ADCY9: variants seen among roughly 807,000 people sequenced by gnomAD.
The protein encoded by ADCY9 is adenylate cyclase 9.
ADCY9 carries 50 observed loss-of-function variants against 101.5 expected under a neutral mutation model. The ratio of observed to expected loss-of-function variants is 0.49; its 90% CI spans 0.39 to 0.62. The LOEUF (loss-of-function observed/expected upper bound fraction) is 0.62. ADCY9 is among the 20% of genes least tolerant of loss of function. ADCY9 has a pLI of 0.00. For missense variants in ADCY9, 1,662 were observed against 1,800.4 expected (o/e 0.92, Z 1.39); for synonymous variants, 905 against 769.3 (o/e 1.18, Z -2.92).
chr16:4,032,242 T>C (rs1269395326), intron 2 of ADCY9: 2 of 150,636 alleles, frequency 1.3e-5, no homozygotes, highest in East Asian at 2.0e-4. Context: ...TGAGCAGAGA[T>C]GGCACCACTG....
chr16:3,970,062 T>C (rs1217295489), intron 10 of ADCY9, among the ~76,000 whole-genome samples: 1 of 152,204 alleles, frequency 6.6e-6, no homozygotes, highest in Non-Finnish European at 1.5e-5. Flanking sequence ...TTCATGTAAA[T>C]GCTGTACCCT....
chr16:4,111,900 A>G (rs1409236172), intron 2 of ADCY9, among the ~76,000 whole-genome samples: 1 of 151,422 alleles, frequency 6.6e-6, no homozygotes, highest in East Asian at 1.9e-4. Flanking sequence ...CAAACTTAAA[A>G]ATAAAACTAC....
At chr16:4,043,075 C>CA (rs898054965) in intron 2 of ADCY9, among the ~76,000 whole-genome samples, 8 of 151,994 alleles carry the variant, frequency 5.3e-5, no homozygotes, top group African/African-American at 1.9e-4. Flanking sequence ...ACTAAAAATA[C>CA]AAAAAATTAG....
At position 4,086,281 on chromosome 16, in the gene ADCY9, CCA is replaced by C. The variant is rs369479704; in HGVS notation, c.1693+27467_1693+27468del. ...AGGGAAACCGCCTCTCCGGTGCCTT[CCA>C]CAGAGGGTCCATTGCAAGCAAGTGG... is the stretch of plus-strand genomic sequence containing the variant. On this transcript the variant is annotated intron_variant, in intron 2 of 10. Transcript: ENST00000294016. Among the ~76,000 whole-genome samples, 789 of 152,230 alleles carry C rather than the reference CCA, an allele frequency of 5.2e-3. 9 individuals are homozygous for C. Among genetic ancestry groups the C allele is most frequent in the African/African-American group, 0.018 (750 of 41,572 alleles).
chr16:4,081,793 C>T (rs1183879734), intron 2 of ADCY9, among the ~76,000 whole-genome samples: 13 of 60,748 alleles, frequency 2.1e-4, no homozygotes, highest in African/African-American at 4.5e-4. Flanking sequence ...TCTGCAGGGG[C>T]GTGTGGGTAA....
At chr16:4,084,238 A>T (rs1173995865) in intron 2 of ADCY9, among the ~76,000 whole-genome samples, 1 of 151,932 alleles carries the variant, frequency 6.6e-6, no homozygotes, top group African/African-American at 2.4e-5. Context: ...CAGCCTCCCA[A>T]GTAGCTGGGA....
intron 3 of ADCY9, among the ~76,000 whole-genome samples, chr16:4,001,307 G>A (rs1411119845): frequency 6.6e-6 from 1 of 152,110 alleles, no homozygotes; most frequent in Non-Finnish European, 1.5e-5. Flanking sequence ...TTCTGGCCCT[G>A]CTGCGTTTGA....
rs149035107 is a variant in ADCY9, at chr16:4,029,417, C to A, written c.1694-21859G>T. Among the ~76,000 whole-genome samples, 13 of 152,230 alleles carry A rather than the reference C, an allele frequency of 8.5e-5. No individual in the cohort carries two copies. In the East Asian group the frequency reaches 2.5e-3, roughly 29 times the overall value. ...AGGTATTTGCCTCACATATAACTGA[C>A]AAAGGGCTGGTAGCCTGAATATAAA... is the stretch of plus-strand genomic sequence containing the variant. On this transcript the variant is annotated intron_variant, in intron 2 of 10. Transcript: ENST00000294016.
At chr16:4,034,388 C>T (rs886779302) in intron 2 of ADCY9, among the ~76,000 whole-genome samples, 2 of 152,176 alleles carry the variant, frequency 1.3e-5, no homozygotes, top group Non-Finnish European at 2.9e-5. Context: ...CTAACCCTCT[C>T]CCCAGAAGAG....
intron 2 of ADCY9, among the ~76,000 whole-genome samples, chr16:4,057,764 G>A (rs1237612550): frequency 1.3e-5 from 2 of 152,146 alleles, no homozygotes; most frequent in Non-Finnish European, 1.5e-5. Flanking sequence ...TTTACGGCGT[G>A]TTCTCGATGT....
intron 2 of ADCY9, among the ~76,000 whole-genome samples, chr16:4,066,288 A>C (rs930061314): frequency 3.3e-5 from 5 of 152,050 alleles, no homozygotes; most frequent in African/African-American, 1.2e-4. Flanking sequence ...AAAAACACTT[A>C]TTTTTCTCAT....
chr16:4,080,366 C>A (rs976088855), intron 2 of ADCY9, among the ~76,000 whole-genome samples: 4 of 152,128 alleles, frequency 2.6e-5, no homozygotes, highest in African/African-American at 9.7e-5. Flanking sequence ...GCCTTAGCCT[C>A]CCGAGTAGCT....
At chr16:4,089,044 T>C (rs1050537406) in intron 2 of ADCY9, among the ~76,000 whole-genome samples, 11 of 152,040 alleles carry the variant, frequency 7.2e-5, no homozygotes, top group African/African-American at 2.7e-4. Context: ...TTGCCTGTAG[T>C]TCTAGAGTTC....
At chr16:4,094,543 G>A (rs1181547278) in intron 2 of ADCY9, among the ~76,000 whole-genome samples, 2 of 152,142 alleles carry the variant, frequency 1.3e-5, no homozygotes, top group Admixed American at 1.3e-4. Context: ...AGGCGCTGTG[G>A]CTCACGCCCG....
intron 5 of ADCY9, among the ~76,000 whole-genome samples, chr16:3,989,441 C>A (rs1275576312): frequency 6.6e-6 from 1 of 151,982 alleles, no homozygotes; most frequent in African/African-American, 2.4e-5. Flanking sequence ...AATGGCGCAG[C>A]GATCTTGGCT....
chr16:3,991,996 G>A, intron 5 of ADCY9, 150 bp downstream of exon 5: 2 of 711,222 alleles, frequency 2.8e-6, no homozygotes, highest in Non-Finnish European at 4.5e-6. Flanking sequence ...GTTTGAACCT[G>A]GGAGATAGAG....
intron 2 of ADCY9, among the ~76,000 whole-genome samples, chr16:4,090,651 G>A (rs1044261410): frequency 1.3e-5 from 2 of 151,900 alleles, no homozygotes; most frequent in African/African-American, 2.4e-5. Context: ...ATTTTATCAC[G>A]CTGTATTTAG....
At chr16:4,113,631 G>T in intron 2 of ADCY9, 119 bp downstream of exon 2, 1 of 1,324,166 alleles carries the variant, frequency 7.6e-7, no homozygotes, top group Non-Finnish European at 1.0e-6. Flanking sequence ...ATCCCCCCAT[G>T]GTAAGGCATT....
At chr16:4,014,938 C>A (rs2056428120) in intron 2 of ADCY9, among the ~76,000 whole-genome samples, 1 of 43,498 alleles carries the variant, frequency 2.3e-5, no homozygotes, top group African/African-American at 6.0e-5. Flanking sequence ...CCTGTTTTGG[C>A]CTTTTTTTTT....
Sources: allele counts gnomAD v4.1 joint callset (sites outside exome capture counted in the v4.1 genomes callset), GRCh38; gene constraint gnomAD v4.1.1; transcripts MANE v1.5; gene names NCBI Gene and HGNC (gene_info 2026-07-23, HGNC 2026-07-21).